The following RBBP5 variants were observed in gnomAD, a reference collection of about 807,000 sequenced individuals.
RBBP5 encodes retinoblastoma-binding protein 5.
Under a neutral mutation model 72.2 loss-of-function variants are expected in RBBP5, and 5 were observed. That is an observed-to-expected ratio of 0.07 (90% CI 0.04 to 0.15). RBBP5 has a LOEUF of 0.15. Among genes scored for constraint, RBBP5 ranks in the 10% least tolerant of loss-of-function variants. The pLI is 1.00. For synonymous variants in RBBP5, 209 were observed against 237.2 expected, an observed-to-expected ratio of 0.88 and a Z score of 1.09; for missense variants, 322 against 652.2, an observed-to-expected ratio of 0.49 and a Z score of 5.51.
At chr1:205,120,378 G>A (rs78653208) in intron 1 of RBBP5, among the ~76,000 whole-genome samples, 10,353 of 152,162 alleles carry the variant, frequency 0.068, 567 homozygotes, top group African/African-American at 0.13. Context: ...AGATGGCACC[G>A]ATCCCATCCC....
intron 5 of RBBP5, among the ~76,000 whole-genome samples, chr1:205,103,173 C>G (rs1370262781): frequency 7.1e-6 from 1 of 140,812 alleles, no homozygotes; most frequent in African/African-American, 2.7e-5. Context: ...TGCAGTGAGC[C>G]GAGATCATGC....
At chr1:205,097,048 A>C in intron 11 of RBBP5, 137 bp from the exon 12 acceptor site, 2 of 779,984 alleles carry the variant, frequency 2.6e-6, no homozygotes, top group Non-Finnish European at 4.1e-6. Flanking sequence ...CAAGAAGAAT[A>C]AAAGGGAATC....
intron 1 of RBBP5, among the ~76,000 whole-genome samples, chr1:205,117,651 ACT>A: frequency 6.6e-6 from 1 of 151,864 alleles, no homozygotes; most frequent in East Asian, 2.0e-4. Flanking sequence ...CAAGAGGGAA[ACT>A]CTGTCTCAAA....
At chr1:205,092,504 C>T (rs760049349) in intron 13 of RBBP5, among the ~76,000 whole-genome samples, 29 of 151,880 alleles carry the variant, frequency 1.9e-4, no homozygotes, top group African/African-American at 2.7e-4. Context: ...TGGAGTGCAA[C>T]GGCGTGATCA....
At chr1:205,120,133 C>G (rs186422935) in intron 1 of RBBP5, among the ~76,000 whole-genome samples, 2 of 152,256 alleles carry the variant, frequency 1.3e-5, no homozygotes, top group East Asian at 3.9e-4. Context: ...GTCATCCCTA[C>G]CTCCTCAATG....
At chr1:205,093,322 ATGG>A (rs2102255810) in intron 13 of RBBP5, among the ~76,000 whole-genome samples, 1 of 150,606 alleles carries the variant, frequency 6.6e-6, no homozygotes, top group South Asian at 2.1e-4. Flanking sequence ...TTAGCCAAGC[ATGG>A]TGGTGCACGC....
chr1:205,093,552 A>ACACACACACG (rs764220295), intron 13 of RBBP5, among the ~76,000 whole-genome samples: 760 of 66,338 alleles, frequency 0.011, 182 homozygotes, highest in Middle Eastern at 0.04. Flanking sequence ...ACACACACAC[A>ACACACACACG]CACACACACA....
At position 205,121,856 on chromosome 1, in the gene RBBP5, C is replaced by A. The variant is rs1344486316; in HGVS notation, c.18G>T (p.Leu6=). MNLEL[L]ESFGQNYPEE... is the part of the protein sequence containing the mutation. ...AAACGCAGCCACAGCCCTTCTCACCCAGCAACTCGAGGTTCATCCCTGCGG... is the reference window on the plus strand; with the variant it reads ...AAACGCAGCCACAGCCCTTCTCACCAAGCAACTCGAGGTTCATCCCTGCGG... The change falls in exon 1 of 14, where the codon CTG becomes CTT. Residue 6 remains leucine, a splice_region_variant and synonymous_variant. Transcript: ENST00000264515. 16 of 1,612,112 alleles carry A rather than the reference C, an allele frequency of 9.9e-6. No individual in the cohort carries two copies. Among genetic ancestry groups the A allele is most frequent in the Non-Finnish European group, 1.4e-5 (16 of 1,180,018 alleles).
intron 4 of RBBP5, 73 bp from the exon 5 acceptor site, chr1:205,104,092 G>T: frequency 3.3e-6 from 5 of 1,526,708 alleles, no homozygotes; most frequent in Middle Eastern, 1.7e-4. Flanking sequence ...CCTTTTCCCT[G>T]ATCCCTGTCC....
chr1:205,095,204 A>G (rs565151636), intron 12 of RBBP5, 140 bp from the exon 13 acceptor site: 34 of 838,998 alleles, frequency 4.1e-5, no homozygotes, highest in East Asian at 1.3e-4. Flanking sequence ...TCTTATTTCT[A>G]TAAGTATAAA....
intron 5 of RBBP5, among the ~76,000 whole-genome samples, chr1:205,102,039 C>G (rs6593922): frequency 6.6e-6 from 1 of 151,610 alleles, no homozygotes; most frequent in Non-Finnish European, 1.5e-5. Flanking sequence ...TGGGATTACA[C>G]GCATGCGCCA....
chr1:205,105,034 C>A lies in RBBP5; in HGVS notation c.353G>T (p.Arg118Leu). 6.2e-7 allele frequency: 1 copy of A among 1,613,868 alleles called. No homozygotes were observed. ...SPILKVQYHP[R>L]DQNKVLVCPM... ...AGAAATAGCTTAAACATACTGATCT[C>A]GTGGATGATATTGGACTTTTAAGAT... Residue 118 changes from arginine (R) to leucine (L), a missense_variant, in exon 4 of 14, where the codon CGA becomes CTA. Physicochemically the swap from Arg to Leu is moderately radical, Grantham distance 102. Coordinates refer to ENST00000264515, the MANE Select transcript of RBBP5 (RefSeq NM_005057.4).
At chr1:205,103,029 C>G (rs928456912) in intron 5 of RBBP5, among the ~76,000 whole-genome samples, 1 of 150,598 alleles carries the variant, frequency 6.6e-6, no homozygotes, top group South Asian at 2.1e-4. Context: ...TTTCTAAGGC[C>G]GGGTGCAGTG....
chr1:205,098,020 G>A (rs568579689), intron 10 of RBBP5, among the ~76,000 whole-genome samples: 63 of 152,006 alleles, frequency 4.1e-4, no homozygotes, highest in African/African-American at 1.0e-3. Context: ...TAGACACCAC[G>A]GGGATTAAAA....
intron 13 of RBBP5, among the ~76,000 whole-genome samples, chr1:205,094,009 A>G (rs761411607): frequency 6.6e-6 from 1 of 152,212 alleles, no homozygotes; most frequent in African/African-American, 2.4e-5. Flanking sequence ...AAAGCAAAAA[A>G]ACAATTTCCA....
chr1:205,101,140 TAGG>T (rs1437548269), intron 6 of RBBP5, among the ~76,000 whole-genome samples: 1 of 152,180 alleles, frequency 6.6e-6, no homozygotes, highest in Non-Finnish European at 1.5e-5. Flanking sequence ...CTAAACAAAA[TAGG>T]AGGACTATTA....
chr1:205,104,278 T>C (rs557418992), intron 4 of RBBP5, among the ~76,000 whole-genome samples: 1 of 150,324 alleles, frequency 6.7e-6, no homozygotes, highest in Admixed American at 6.7e-5. Context: ...TCCCAGCACT[T>C]TGGGGAGGCT....
chr1:205,116,296 T>A (rs1342449823), intron 1 of RBBP5: 2 of 378,536 alleles, frequency 5.3e-6, no homozygotes, highest in African/African-American at 4.2e-5. Context: ...TATTTCTATA[T>A]AATATGCTTT....
chr1:205,112,959 T>TA (rs1277257621), intron 3 of RBBP5, among the ~76,000 whole-genome samples: 1 of 151,996 alleles, frequency 6.6e-6, no homozygotes, highest in Admixed American at 6.6e-5. Context: ...CCTGTCTCTA[T>TA]AAAAAATTTT....
Sources: allele counts gnomAD v4.1 joint callset (sites outside exome capture counted in the v4.1 genomes callset), GRCh38; gene constraint gnomAD v4.1.1; transcripts MANE v1.5; gene names NCBI Gene and HGNC (gene_info 2026-07-23, HGNC 2026-07-21).